The following GALNTL6 variants were observed in gnomAD, a reference collection of about 807,000 sequenced individuals.
The protein encoded by GALNTL6 is polypeptide N-acetylgalactosaminyltransferase like 6.
A neutral mutation model predicts 73.7 loss-of-function variants in GALNTL6; 46 were observed. The ratio of observed to expected loss-of-function variants is 0.62; its 90% CI spans 0.49 to 0.80. GALNTL6 has a LOEUF of 0.80. GALNTL6 is among the 30% of genes least tolerant of loss of function. The probability of loss-of-function intolerance (pLI) is 0.00; values close to 1 mark genes in which losing one functional copy is unlikely to be tolerated. For synonymous variants in GALNTL6, 259 were observed against 263.7 expected (o/e 0.98, Z 0.17); for missense variants, 604 against 755.0 (o/e 0.80, Z 2.34).
chr4:171,853,106 G>A (rs1348107585), intron 2 of GALNTL6, among the ~76,000 whole-genome samples: 2 of 142,620 alleles, frequency 1.4e-5, no homozygotes, highest in African/African-American at 2.6e-5. Flanking sequence ...CTCGTGATCC[G>A]CCCGCTTCAG....
At chr4:171,818,033 T>C (rs1396707949) in intron 2 of GALNTL6, among the ~76,000 whole-genome samples, 2 of 151,704 alleles carry the variant, frequency 1.3e-5, no homozygotes, top group Non-Finnish European at 3.0e-5. Flanking sequence ...GAAATATATA[T>C]GTATATTAAA....
chr4:172,144,292 G>T (rs1733871667), intron 2 of GALNTL6, among the ~76,000 whole-genome samples: 1 of 152,046 alleles, frequency 6.6e-6, no homozygotes, highest in African/African-American at 2.4e-5. Context: ...TTAAATAATG[G>T]CATCTGGTTT....
chr4:171,994,460 C>T (rs973840612), intron 2 of GALNTL6, among the ~76,000 whole-genome samples: 7 of 151,984 alleles, frequency 4.6e-5, no homozygotes, highest in Non-Finnish European at 8.8e-5. Flanking sequence ...GTACTCTACA[C>T]GCATATTAAA....
intron 2 of GALNTL6, among the ~76,000 whole-genome samples, chr4:172,024,530 G>T (rs945625949): frequency 2.6e-5 from 4 of 151,764 alleles, no homozygotes; most frequent in African/African-American, 9.7e-5. Context: ...CAATTAAAGA[G>T]GAATTAGTTA....
chr4:172,496,616 G>A (rs764603630), intron 5 of GALNTL6, among the ~76,000 whole-genome samples: 18 of 152,146 alleles, frequency 1.2e-4, no homozygotes, highest in Admixed American at 3.9e-4. Flanking sequence ...CCAGGAGTTC[G>A]AGGCTGCAGT....
chr4:172,312,364 C>G (rs950358677), intron 4 of GALNTL6, among the ~76,000 whole-genome samples: 4 of 151,912 alleles, frequency 2.6e-5, no homozygotes, highest in South Asian at 2.1e-4. Flanking sequence ...CATCTTTTCT[C>G]TATCCACCCC....
intron 2 of GALNTL6, among the ~76,000 whole-genome samples, chr4:171,864,678 A>G (rs927870686): frequency 6.6e-6 from 1 of 152,152 alleles, no homozygotes; most frequent in Non-Finnish European, 1.5e-5. Flanking sequence ...ATATTTAATA[A>G]CACTTCCCCC....
At chr4:172,710,560 C>T (rs945600408) in intron 5 of GALNTL6, among the ~76,000 whole-genome samples, 3 of 152,078 alleles carry the variant, frequency 2.0e-5, no homozygotes, top group Non-Finnish European at 1.5e-5. Context: ...TATTTTAACT[C>T]GATCAGTTAA....
At chr4:172,849,289 A>G (rs1743684493) in intron 7 of GALNTL6, among the ~76,000 whole-genome samples, 2 of 152,214 alleles carry the variant, frequency 1.3e-5, no homozygotes, top group African/African-American at 4.8e-5. Context: ...TTCTCAGGAT[A>G]TTGAACAAGA....
intron 2 of GALNTL6, among the ~76,000 whole-genome samples, chr4:171,873,529 G>A (rs1736192791): frequency 6.6e-6 from 1 of 152,182 alleles, no homozygotes; most frequent in Non-Finnish European, 1.5e-5. Context: ...GCCTAGTGTG[G>A]AAGGCAAGGG....
At chr4:172,557,914 A>T (rs1736206491) in intron 5 of GALNTL6, among the ~76,000 whole-genome samples, 1 of 152,300 alleles carries the variant, frequency 6.6e-6, no homozygotes, top group South Asian at 2.1e-4. Context: ...AGAAAAATAA[A>T]AACATATTCA....
rs200945222 is a variant in GALNTL6 at position 172,326,171 on chromosome 4, C to CAA, written c.386+14420_386+14421dup. On this transcript the variant is annotated intron_variant, in intron 4 of 12. Coordinates refer to ENST00000506823, the MANE Select transcript of GALNTL6 (RefSeq NM_001034845.3). Reference sequence around the variant, plus strand: ...TGAACAAAAATAAAGTTATACATACCAAGTTATCTACGTATATATAGCAAT... The same window carrying CAA: ...TGAACAAAAATAAAGTTATACATACCAAAAGTTATCTACGTATATATAGCAAT... Among the ~76,000 whole-genome samples the CAA allele has an allele frequency of 9.9e-4, 150 of 151,794 alleles. 2 individuals are homozygous for CAA. The South Asian group carries it at 0.016, about 16-fold the overall frequency.
At chr4:172,779,835 A>T (rs1255324447) in intron 5 of GALNTL6, among the ~76,000 whole-genome samples, 1 of 152,210 alleles carries the variant, frequency 6.6e-6, no homozygotes, top group Non-Finnish European at 1.5e-5. Context: ...TGCTGCTGTG[A>T]TAGAGGCTTT....
intron 5 of GALNTL6, among the ~76,000 whole-genome samples, chr4:172,777,265 A>T (rs1331065964): frequency 6.6e-6 from 1 of 152,348 alleles, no homozygotes; most frequent in East Asian, 1.9e-4. Flanking sequence ...TATGTGATTC[A>T]TTATAGCTAC....
intron 5 of GALNTL6, among the ~76,000 whole-genome samples, chr4:172,695,534 A>G (rs1733629861): frequency 6.6e-6 from 1 of 152,208 alleles, no homozygotes; most frequent in Non-Finnish European, 1.5e-5. Context: ...GCTTTCATTA[A>G]TTACTATTTG....
At chr4:172,239,694 T>A (rs1281898271) in intron 3 of GALNTL6, among the ~76,000 whole-genome samples, 2 of 152,216 alleles carry the variant, frequency 1.3e-5, no homozygotes, top group Admixed American at 1.3e-4. Flanking sequence ...TAATTTGAGA[T>A]CTTTCTAACT....
At chr4:171,994,421 A>G (rs1259994446) in intron 2 of GALNTL6, among the ~76,000 whole-genome samples, 1 of 152,126 alleles carries the variant, frequency 6.6e-6, no homozygotes, top group Non-Finnish European at 1.5e-5. Context: ...TTCACTAGCT[A>G]GATCAGAGCT....
chr4:171,965,670 AAAG>A (rs1305257328), intron 2 of GALNTL6, among the ~76,000 whole-genome samples: 5 of 150,906 alleles, frequency 3.3e-5, no homozygotes, highest in South Asian at 2.1e-4. Context: ...AAAAAAAAAA[AAAG>A]AAGAAGAAGA....
At chr4:173,032,149 C>G (rs1425361658) in intron 12 of GALNTL6, among the ~76,000 whole-genome samples, 1 of 152,158 alleles carries the variant, frequency 6.6e-6, no homozygotes, top group Non-Finnish European at 1.5e-5. Context: ...GCAGTTTTTA[C>G]CATTAAAAGT....
Sources: allele counts gnomAD v4.1 joint callset (sites outside exome capture counted in the v4.1 genomes callset), GRCh38; gene constraint gnomAD v4.1.1; transcripts MANE v1.5; gene names NCBI Gene and HGNC (gene_info 2026-07-23, HGNC 2026-07-21).